NPRL3: variants seen among roughly 807,000 people sequenced by gnomAD.
NPRL3 encodes the protein GATOR1 complex protein NPRL3.
NPRL3 carries 23 observed loss-of-function variants against 57.2 expected under a neutral mutation model. That is an observed-to-expected ratio of 0.40 (90% CI 0.29 to 0.57). NPRL3 has a LOEUF of 0.57. NPRL3 is among the 20% of genes least tolerant of loss of function. The probability of loss-of-function intolerance (pLI) is 0.42; values close to 1 mark genes in which losing one functional copy is unlikely to be tolerated. For missense variants in NPRL3, 691 were observed against 767.1 expected (o/e 0.90, Z 1.17); for synonymous variants, 333 against 321.1 (o/e 1.04, Z -0.39).
At chr16:98,485 T>G (rs1264189654) in intron 8 of NPRL3, among the ~76,000 whole-genome samples, 184 bp from the exon 9 acceptor site, 3 of 152,152 alleles carry the variant, frequency 2.0e-5, no homozygotes, top group African/African-American at 7.2e-5. Flanking sequence ...CAGGGAACCC[T>G]GCACCAGGTA....
At chr16:118,986 C>A in intron 4 of NPRL3, 140 bp downstream of exon 4, 1 of 1,307,766 alleles carries the variant, frequency 7.6e-7, no homozygotes, top group South Asian at 1.4e-5. Flanking sequence ...GGAGCCCCAC[C>A]TGCCCAAGGA....
intron 6 of NPRL3, among the ~76,000 whole-genome samples, chr16:110,919 C>G (rs1296929675): frequency 6.6e-6 from 1 of 152,026 alleles, no homozygotes; most frequent in Non-Finnish European, 1.5e-5. Context: ...GCCAAAAAGT[C>G]TTTTATTCAT....
intron 8 of NPRL3, among the ~76,000 whole-genome samples, 153 bp downstream of exon 8, chr16:100,219 T>C (rs1899217297): frequency 6.6e-6 from 1 of 152,068 alleles, no homozygotes; most frequent in African/African-American, 2.4e-5. Context: ...TTATGTGTTT[T>C]AACTTCTATA....
chr16:85,583 G>C lies in NPRL3; in HGVS notation c.*1122C>G. 6.2e-7 allele frequency: 1 copy of C among 1,613,072 alleles called. No homozygotes were observed. The highest frequency in any genetic ancestry group is 8.5e-7 in the Non-Finnish European group (1 of 1,179,692). On this transcript the variant is annotated 3_prime_UTR_variant, in exon 14 of 14. Coordinates refer to ENST00000611875, the MANE Select transcript of NPRL3 (RefSeq NM_001077350.3). ...CATCAACAAGAGCTTTGACCAGAGG[G>C]ACCTGGCACAGGATGAAGCTGTATG...
Position 88,909 on chromosome 16 carries a change from A to T in NPRL3, c.1352-19T>A, listed in dbSNP as rs1389896900. ...CTGCTGGCTGTGGGGGACATGGGTC[A>T]GGGTGACCAAGTGGAATTCCAGGAC... On this transcript the variant is annotated intron_variant, in intron 12 of 13. Coordinates refer to ENST00000611875, the MANE Select transcript of NPRL3 (RefSeq NM_001077350.3). The T allele has an allele frequency of 1.9e-6, 3 of 1,598,108 alleles. No homozygotes were observed. Among genetic ancestry groups the T allele is most frequent in the Non-Finnish European group, 2.6e-6 (3 of 1,167,464 alleles).
At chr16:92,003 C>T (rs1898782564) in intron 11 of NPRL3, among the ~76,000 whole-genome samples, 1 of 152,142 alleles carries the variant, frequency 6.6e-6, no homozygotes, top group South Asian at 2.1e-4. Context: ...CAGGAGGCCT[C>T]CTATCCCCCA....
rs1166602445 is a variant in NPRL3 at position 100,991 on chromosome 16, G to GGAA, written c.630-485_630-483dup. 6.7e-3 allele frequency among the ~76,000 whole-genome samples: 293 copies of GGAA among 43,670 alleles called. 8 individuals carry two copies. In the South Asian group the frequency reaches 0.081, roughly 12 times the overall value. 28.6% of individuals were successfully genotyped at this position (43,670 alleles called of 152,430 possible). The stretch of plus-strand genomic sequence containing the variant: ...GTCTCAAAAAAAAAAAAAAAAAAAA[G>GGAA]GAAGAAGAAGAAGAAAGAAAAAGAG... On this transcript the variant is annotated intron_variant, in intron 7 of 13. Coordinates refer to ENST00000611875, the MANE Select transcript of NPRL3 (RefSeq NM_001077350.3).
chr16:138,450 G>C, intron 1 of NPRL3, 116 bp from the exon 2 acceptor site: 1 of 89,366 alleles, frequency 1.1e-5, no homozygotes, highest in East Asian at 3.7e-4. Context: ...CAGGGGTGGA[G>C]GCGGAGGGGG....
intron 3 of NPRL3, among the ~76,000 whole-genome samples, chr16:121,683 G>A (rs565590073): frequency 5.9e-5 from 9 of 152,018 alleles, no homozygotes; most frequent in Admixed American, 2.6e-4. Context: ...CAGCCAGCAG[G>A]GTGGTAGTTA....
rs763479734 is a variant in NPRL3, at chr16:100,405, G to T, written c.734C>A (p.Pro245Gln). 5 of 1,599,852 alleles carry T rather than the reference G, an allele frequency of 3.1e-6. No homozygotes were observed. The highest frequency in any genetic ancestry group is 4.6e-5 in the East Asian group (2 of 43,586). Residue 245 changes from proline to glutamine, a missense_variant, in exon 8 of 14, where the codon CCA becomes CAA. By Grantham distance (76) the Pro-to-Gln change is moderately conservative. Transcript: ENST00000611875. ...IHYAASSLIP[P>Q]EAIERSLKAI... Reference sequence around the variant, plus strand: ...TTTCAGGCTCCGTTCGATGGCCTCTGGGGGGATCAGACTGGAGGCCGCATA... The same window carrying T: ...TTTCAGGCTCCGTTCGATGGCCTCTTGGGGGATCAGACTGGAGGCCGCATA...
chr16:124,316 T>C (rs1395118406), intron 3 of NPRL3, among the ~76,000 whole-genome samples: 2 of 152,110 alleles, frequency 1.3e-5, no homozygotes, highest in Non-Finnish European at 2.9e-5. Flanking sequence ...ATTAGCCGGA[T>C]GCCTGTGCAG....
chr16:115,923 C>G (rs768304253), intron 5 of NPRL3, among the ~76,000 whole-genome samples: 2 of 152,244 alleles, frequency 1.3e-5, no homozygotes, highest in Non-Finnish European at 2.9e-5. Context: ...CCAACTACTA[C>G]ACACTATGAT....
intron 9 of NPRL3, among the ~76,000 whole-genome samples, chr16:97,780 G>T (rs555249775): frequency 7.9e-5 from 12 of 152,252 alleles, no homozygotes; most frequent in African/African-American, 2.9e-4. Flanking sequence ...CCCGTATGTT[G>T]TTCATGCACC....
chr16:127,637 T>C (rs937896334), intron 3 of NPRL3, among the ~76,000 whole-genome samples: 3 of 151,984 alleles, frequency 2.0e-5, no homozygotes, highest in Middle Eastern at 6.9e-3. Context: ...ATGTGACCAG[T>C]GCAACTGAGC....
rs141316942 is a variant in NPRL3, at chr16:119,045, C to T, written c.318+81G>A. ...CCACACCTGCCCAAGGAGAGCCACA[C>T]CTGCCCAAGGAGAGCCACACCTGCC... On this transcript the variant is annotated intron_variant, in intron 4 of 13. Transcript: ENST00000611875. 2,039 of 1,570,158 alleles carry T rather than the reference C, an allele frequency of 1.3e-3. 23 individuals carry two copies. In the African/African-American group the frequency reaches 0.025, roughly 19 times the overall value.
intron 13 of NPRL3, among the ~76,000 whole-genome samples, chr16:88,349 C>T (rs1174213594): frequency 1.3e-5 from 2 of 149,380 alleles, no homozygotes; most frequent in African/African-American, 5.1e-5. Flanking sequence ...CCACTGCAGT[C>T]CGCAGTCCGG....
At chr16:108,179 C>G (rs1473744463) in intron 7 of NPRL3, among the ~76,000 whole-genome samples, 1 of 152,188 alleles carries the variant, frequency 6.6e-6, no homozygotes, top group East Asian at 1.9e-4. Context: ...TCACAAAAGA[C>G]AAATCACTCT....
At chr16:88,952 G>T in intron 12 of NPRL3, 62 bp from the exon 13 acceptor site, 1 of 1,500,188 alleles carries the variant, frequency 6.7e-7, no homozygotes, top group South Asian at 1.2e-5. Flanking sequence ...GGAACAGCGA[G>T]GGCAGAGCCA....
In NPRL3 at chr16:116,797, C is replaced by A. The variant is rs368054547; in HGVS notation, c.393+504G>T. Among the ~76,000 whole-genome samples the A allele has an allele frequency of 2.8e-5, 4 of 143,752 alleles. 1 individual carries two copies. The highest frequency in any genetic ancestry group is 6.9e-5 in the Admixed American group (1 of 14,428). 94.3% of individuals were successfully genotyped at this position (143,752 alleles called of 152,430 possible). A position where few individuals can be genotyped will look rare whatever the true frequency, so the allele number is the denominator to read the frequency against. ...GGCCAACATGGCGAGACCCCCCCCCCCCACCGATCTCTACTAAAAATACAA... is the reference window on the plus strand; with the variant it reads ...GGCCAACATGGCGAGACCCCCCCCCACCACCGATCTCTACTAAAAATACAA... On this transcript the variant is annotated intron_variant, in intron 5 of 13. Transcript: ENST00000611875.
Sources: allele counts gnomAD v4.1 joint callset (sites outside exome capture counted in the v4.1 genomes callset), GRCh38; gene constraint gnomAD v4.1.1; transcripts MANE v1.5; gene names NCBI Gene and HGNC (gene_info 2026-07-23, HGNC 2026-07-21).